MED19: variants seen among roughly 807,000 people sequenced by gnomAD.
MED19 encodes the protein mediator of RNA polymerase II transcription subunit 19.
MED19 carries 4 observed loss-of-function variants against 19.9 expected under a neutral mutation model. The ratio of observed to expected loss-of-function variants is 0.20; its 90% CI spans 0.10 to 0.46. The LOEUF (loss-of-function observed/expected upper bound fraction) is 0.46. Among genes scored for constraint, MED19 ranks in the 20% least tolerant of loss-of-function variants. MED19 has a pLI of 0.99. For missense variants in MED19, 303 were observed against 318.7 expected (o/e 0.95, Z 0.38); for synonymous variants, 139 against 119.6 (o/e 1.16, Z -1.06).
exon 2 of MED19, chr11:57,705,007 G>A: frequency 6.2e-7 from 1 of 1,614,082 alleles, no homozygotes; most frequent in South Asian, 1.1e-5. Context: ...GGCCAGCATG[G>A]TCCCTGTGAT....
At chr11:57,705,309 A>T in intron 1 of MED19, 80 bp from the exon 2 acceptor site, 1 of 1,447,454 alleles carries the variant, frequency 6.9e-7, no homozygotes, top group African/African-American at 1.4e-5. Context: ...ATTAACCTAA[A>T]TAAGACATTT....
chr11:57,704,966 G>A lies in MED19; in HGVS notation c.474+7C>T. 6.2e-7 allele frequency: 1 copy of A among 1,611,596 alleles called. No individual in the cohort carries two copies. Among genetic ancestry groups the A allele is most frequent in the East Asian group, 2.2e-5 (1 of 44,854 alleles). ...CCCATTTGCCTTCTTCCTCCAACAGGACTCACCGGGCCAGTGTGGAGGCGG... is the reference window on the plus strand; with the variant it reads ...CCCATTTGCCTTCTTCCTCCAACAGAACTCACCGGGCCAGTGTGGAGGCGG... On this transcript the variant is annotated splice_region_variant and intron_variant, in intron 2 of 4. Transcript: ENST00000431606.
exon 1 of MED19, chr11:57,712,037 G>C (rs1474320693): frequency 4.6e-6 from 7 of 1,536,344 alleles, no homozygotes; most frequent in Non-Finnish European, 6.1e-6. Context: ...AGCCGTGGCC[G>C]CGGTGGGAGG....
exon 3 of MED19, chr11:57,704,814 A>G: frequency 6.2e-7 from 1 of 1,613,592 alleles, no homozygotes; most frequent in Non-Finnish European, 8.5e-7. Context: ...CTGCTCCGGC[A>G]ACTGAAGGAA....
chr11:57,705,283 G>A, intron 1 of MED19, 54 bp from the exon 2 acceptor site: 5 of 1,581,226 alleles, frequency 3.2e-6, no homozygotes, highest in Non-Finnish European at 4.3e-6. Flanking sequence ...TAGACCCAGG[G>A]AGTGAAGGAC....
Position 57,711,852 on chromosome 11 carries a change from G to C in MED19, c.217+111C>G, listed in dbSNP as rs534574996. ...CTTCCGACTTAGGGCTCCACAGTCCGGGTATGCGTTGCCTAGGTTACCTCG... is the reference window on the plus strand; with the variant it reads ...CTTCCGACTTAGGGCTCCACAGTCCCGGTATGCGTTGCCTAGGTTACCTCG... On this transcript the variant is annotated intron_variant, in intron 1 of 4. Coordinates refer to ENST00000431606, the Ensembl canonical transcript of MED19. 17 of 1,201,614 alleles carry C rather than the reference G, an allele frequency of 1.4e-5. No individual in the cohort carries two copies. The South Asian group carries it at 3.0e-4, about 22-fold the overall frequency. The allele number at this position is 1,201,614 out of a possible 1,614,324, so 74.4% of individuals were successfully genotyped here. A position where few individuals can be genotyped will look rare whatever the true frequency, so the allele number is the denominator to read the frequency against.
At chr11:57,712,190 G>A (rs955724324) in exon 1 of MED19, 1 of 1,509,474 alleles carries the variant, frequency 6.6e-7, no homozygotes, top group Non-Finnish European at 8.9e-7. Context: ...CGTACCCTCC[G>A]CCCCGGCGCT....
intron 1 of MED19, among the ~76,000 whole-genome samples, chr11:57,708,256 T>TCCTC (rs1946529922): frequency 6.6e-6 from 1 of 152,172 alleles, no homozygotes; most frequent in African/African-American, 2.4e-5. Context: ...ACTCCTCAGT[T>TCCTC]CACAAATCTT....
intron 1 of MED19, among the ~76,000 whole-genome samples, chr11:57,705,647 GTC>G (rs1046847266): frequency 2.1e-5 from 3 of 140,806 alleles, no homozygotes; most frequent in African/African-American, 7.9e-5. Flanking sequence ...GCGAGACTCT[GTC>G]TCAAAAAAAA....
intron 1 of MED19, among the ~76,000 whole-genome samples, chr11:57,707,672 G>T (rs1373485197): frequency 1.3e-5 from 2 of 152,120 alleles, no homozygotes; most frequent in Non-Finnish European, 2.9e-5. Context: ...TCTGGGCACT[G>T]CCTCTTGCCA....
At chr11:57,705,028 G>A in exon 2 of MED19, 2 of 1,614,180 alleles carry the variant, frequency 1.2e-6, no homozygotes, top group Non-Finnish European at 1.7e-6. Flanking sequence ...AGGATTGAAA[G>A]AGCTACTGAG....
At chr11:57,711,942 T>C (rs912704244) in intron 1 of MED19, 21 bp downstream of exon 1, 4 of 1,405,148 alleles carry the variant, frequency 2.8e-6, no homozygotes, top group Non-Finnish European at 2.8e-6. Flanking sequence ...TTGGCTGGCT[T>C]TGGCAAGGCC....
chr11:57,704,712 T>C lies in MED19; in HGVS notation c.571+7A>G, dbSNP rs1475861444. The C allele has an allele frequency of 2.7e-6, 4 of 1,487,850 alleles. No homozygotes were observed. Among genetic ancestry groups the C allele is most frequent in the Non-Finnish European group, 3.7e-6 (4 of 1,078,176 alleles). 92.2% of individuals were successfully genotyped at this position (1,487,850 alleles called of 1,614,324 possible). ...TTTTTTTTGCTTTGAATAGAACTGC[T>C]TCTTACCTGGGGGGACAGGATCCTG... On this transcript the variant is annotated splice_region_variant and intron_variant, in intron 3 of 4. Transcript: ENST00000431606.
intron 3 of MED19, 153 bp downstream of exon 3, chr11:57,704,566 C>G: frequency 6.3e-7 from 1 of 1,596,222 alleles, no homozygotes; most frequent in Non-Finnish European, 8.5e-7. Flanking sequence ...CAAGAGACCA[C>G]AGTACATTGG....
At chr11:57,704,619 A>T (rs769846600) in intron 3 of MED19, 100 bp downstream of exon 3, 24 of 1,608,554 alleles carry the variant, frequency 1.5e-5, no homozygotes, top group Non-Finnish European at 2.0e-5. Flanking sequence ...CTCCATACGG[A>T]ACTTAACTGG....
chr11:57,705,591 T>A (rs1475356041), intron 1 of MED19, among the ~76,000 whole-genome samples: 3 of 150,104 alleles, frequency 2.0e-5, no homozygotes, highest in African/African-American at 4.9e-5. Flanking sequence ...GAGGTGGAGG[T>A]TGCAGTGAGC....
intron 1 of MED19, 28 bp from the exon 2 acceptor site, chr11:57,705,257 A>C: frequency 6.2e-7 from 1 of 1,608,046 alleles, no homozygotes; most frequent in Non-Finnish European, 8.5e-7. Context: ...AAAATAAAAA[A>C]GATCAGTCTT....
exon 5 of MED19, chr11:57,703,849 G>C (rs1322986378): frequency 2.0e-5 from 16 of 808,514 alleles, no homozygotes; most frequent in Non-Finnish European, 2.3e-5. Flanking sequence ...AACCAACTGG[G>C]ATGAGCCTAC....
intron 1 of MED19, among the ~76,000 whole-genome samples, chr11:57,708,775 T>C (rs1946533656): frequency 1.3e-5 from 2 of 152,156 alleles, no homozygotes; most frequent in Non-Finnish European, 1.5e-5. Context: ...GCCCAGAACA[T>C]ATATTCAATA....
Sources: gnomAD v4.1 joint callset for allele counts (sites outside exome capture counted in the v4.1 genomes callset) on GRCh38, gnomAD v4.1.1 for gene constraint, MANE v1.5 for transcripts, NCBI Gene and HGNC (gene_info 2026-07-23, HGNC 2026-07-21) for gene names.